CSMD1: variants seen among roughly 807,000 people sequenced by gnomAD.
CSMD1 encodes the protein CUB and sushi domain-containing protein 1.
CSMD1 carries 213 observed loss-of-function variants against 417.5 expected under a neutral mutation model. The ratio of observed to expected loss-of-function variants is 0.51; its 90% CI spans 0.46 to 0.57. The LOEUF is 0.57. Ranked by LOEUF, CSMD1 falls within the 20% of genes least tolerant of loss-of-function variation. CSMD1 has a pLI of 0.00. For missense variants in CSMD1, 6,923 were observed against 4,529.7 expected (o/e 1.53, Z -15.17); for synonymous variants, 2,862 against 1,736.8 (o/e 1.65, Z -16.11).
chr8:4,195,563 G>A (rs1030026154), intron 3 of CSMD1, among the ~76,000 whole-genome samples: 1 of 152,244 alleles, frequency 6.6e-6, no homozygotes, highest in Non-Finnish European at 1.5e-5. Context: ...CTGACCAATA[G>A]TATATGGTAG....
chr8:4,916,982 G>A (rs1046927064), intron 1 of CSMD1, among the ~76,000 whole-genome samples: 22 of 152,196 alleles, frequency 1.4e-4, no homozygotes, highest in Non-Finnish European at 7.3e-5. Context: ...TTCAGTAGGT[G>A]TATTAGCTCA....
intron 2 of CSMD1, among the ~76,000 whole-genome samples, chr8:4,621,550 T>A (rs1037223582): frequency 6.6e-6 from 1 of 152,108 alleles, no homozygotes; most frequent in Admixed American, 6.5e-5. Context: ...ATACATTGAA[T>A]TTTTTATTTA....
At chr8:3,366,893 T>C in intron 20 of CSMD1, 139 bp downstream of exon 20, 2 of 714,196 alleles carry the variant, frequency 2.8e-6, no homozygotes, top group South Asian at 3.5e-5. Context: ...TGCACCCCAT[T>C]AGTTGGAATC....
chr8:3,636,471 C>T (rs1204428076), intron 7 of CSMD1, among the ~76,000 whole-genome samples: 2 of 152,210 alleles, frequency 1.3e-5, no homozygotes, highest in Non-Finnish European at 1.5e-5. Context: ...AGCCACCTCT[C>T]CTGTCCCTGG....
chr8:3,904,001 C>A (rs867116176), intron 5 of CSMD1, among the ~76,000 whole-genome samples: 1 of 151,752 alleles, frequency 6.6e-6, no homozygotes, highest in African/African-American at 2.4e-5. Context: ...AATGTCCTAC[C>A]GTCCTATCTG....
At chr8:4,060,746 A>T (rs113766691) in intron 3 of CSMD1, among the ~76,000 whole-genome samples, 10 of 152,334 alleles carry the variant, frequency 6.6e-5, no homozygotes, top group African/African-American at 2.4e-4. Context: ...CATCACAGCT[A>T]TTCATGTTAT....
intron 18 of CSMD1, among the ~76,000 whole-genome samples, chr8:3,385,702 T>C (rs1810965581): frequency 6.6e-6 from 1 of 152,220 alleles, no homozygotes; most frequent in Non-Finnish European, 1.5e-5. Context: ...TTAGAGTTTA[T>C]GTTTAAATAT....
At chr8:4,188,208 T>C (rs1420099158) in intron 3 of CSMD1, among the ~76,000 whole-genome samples, 1 of 152,134 alleles carries the variant, frequency 6.6e-6, no homozygotes, top group African/African-American at 2.4e-5. Flanking sequence ...GGGACAATTT[T>C]ACATGATGTA....
At chr8:4,027,174 C>G (rs2688357) in intron 4 of CSMD1, among the ~76,000 whole-genome samples, 107,568 of 151,836 alleles carry the variant, frequency 0.71, 38,374 homozygotes, top group East Asian at 0.82. Context: ...TTAGTTACGA[C>G]GAGGTAAGAA....
chr8:3,968,775 G>C (rs1016340918), intron 5 of CSMD1, among the ~76,000 whole-genome samples: 1 of 152,022 alleles, frequency 6.6e-6, no homozygotes, highest in Non-Finnish European at 1.5e-5. Flanking sequence ...AGATGGGTGG[G>C]GATTTGTAAT....
At chr8:4,135,478 C>T (rs1325596303) in intron 3 of CSMD1, among the ~76,000 whole-genome samples, 1 of 151,890 alleles carries the variant, frequency 6.6e-6, no homozygotes, top group Non-Finnish European at 1.5e-5. Context: ...AACTTACACA[C>T]TAAATATCCC....
chr8:3,223,707 G>A (rs773510269), intron 28 of CSMD1, 22 bp downstream of exon 28: 119 of 1,611,954 alleles, frequency 7.4e-5, no homozygotes, highest in Non-Finnish European at 9.9e-5. Flanking sequence ...ACTAAAAAGA[G>A]GTATTCTGCA....
intron 1 of CSMD1, among the ~76,000 whole-genome samples, chr8:4,780,638 G>C (rs1050960212): frequency 1.3e-5 from 2 of 152,148 alleles, no homozygotes; most frequent in Non-Finnish European, 2.9e-5. Context: ...TTATTTAGTA[G>C]TGATTTGTGA....
At chr8:4,686,098 T>C (rs775678623) in intron 1 of CSMD1, among the ~76,000 whole-genome samples, 1 of 152,354 alleles carries the variant, frequency 6.6e-6, no homozygotes, top group Non-Finnish European at 1.5e-5. Flanking sequence ...CACTTTTTCG[T>C]TACAGAAGCT....
chr8:4,675,527 C>T (rs1326896726), intron 1 of CSMD1, among the ~76,000 whole-genome samples: 1 of 152,010 alleles, frequency 6.6e-6, no homozygotes, highest in Non-Finnish European at 1.5e-5. Flanking sequence ...AATGGAGGGA[C>T]AAGTTCTGAG....
chr8:4,880,963 T>A (rs1803358367), intron 1 of CSMD1, among the ~76,000 whole-genome samples: 1 of 152,112 alleles, frequency 6.6e-6, no homozygotes, highest in African/African-American at 2.4e-5. Context: ...CAGGAATCCA[T>A]GTTCTCACTA....
At chr8:4,443,237 A>G (rs556434691) in intron 2 of CSMD1, among the ~76,000 whole-genome samples, 1 of 152,210 alleles carries the variant, frequency 6.6e-6, no homozygotes, top group Non-Finnish European at 1.5e-5. Flanking sequence ...AATGTGTTTT[A>G]AGATGGATAA....
At chr8:4,248,468 T>C (rs535119785) in intron 3 of CSMD1, among the ~76,000 whole-genome samples, 1 of 152,282 alleles carries the variant, frequency 6.6e-6, no homozygotes, top group South Asian at 2.1e-4. Flanking sequence ...AAAAGGTCAG[T>C]CGTTACTTAC....
At chr8:3,510,169 C>G (rs1026084047) in intron 10 of CSMD1, among the ~76,000 whole-genome samples, 1 of 149,444 alleles carries the variant, frequency 6.7e-6, no homozygotes, top group African/African-American at 2.6e-5. Flanking sequence ...TGTGAAAACA[C>G]TGAGGCAAGT....
Sources: gnomAD v4.1 joint callset for allele counts (sites outside exome capture counted in the v4.1 genomes callset) on GRCh38, gnomAD v4.1.1 for gene constraint, MANE v1.5 for transcripts, NCBI Gene and HGNC (gene_info 2026-07-23, HGNC 2026-07-21) for gene names.